The following PSMD1 variants were observed in gnomAD, a reference collection of about 807,000 sequenced individuals.
The protein encoded by PSMD1 is proteasome 26S subunit, non-ATPase 1.
A neutral mutation model predicts 119.0 loss-of-function variants in PSMD1; 18 were observed. That is an observed-to-expected ratio of 0.15 (90% CI 0.10 to 0.22). The LOEUF (loss-of-function observed/expected upper bound fraction) is 0.22. PSMD1 is among the 10% of genes least tolerant of loss of function. The pLI, the probability that PSMD1 is intolerant of heterozygous loss-of-function variation, is 1.00. For synonymous variants in PSMD1, 374 were observed against 396.6 expected (o/e 0.94, Z 0.68); for missense variants, 702 against 1,158.5 (o/e 0.61, Z 5.72).
chr2:231,105,601 G>A (rs536646242), intron 16 of PSMD1, among the ~76,000 whole-genome samples: 2 of 152,014 alleles, frequency 1.3e-5, no homozygotes, highest in Non-Finnish European at 2.9e-5. Context: ...TATGACTTAG[G>A]CTGTTATAAT....
chr2:231,111,579 CT>C (rs1695158139), intron 16 of PSMD1, among the ~76,000 whole-genome samples: 1 of 152,200 alleles, frequency 6.6e-6, no homozygotes, highest in African/African-American at 2.4e-5. Context: ...AGAGTGAGCT[CT>C]CTTCAGCATT....
At chr2:231,113,270 TC>T (rs1695219675) in intron 16 of PSMD1, among the ~76,000 whole-genome samples, 1 of 152,348 alleles carries the variant, frequency 6.6e-6, no homozygotes, top group South Asian at 2.1e-4. Flanking sequence ...GAATTTGTGT[TC>T]TTTGATACCT....
intron 16 of PSMD1, among the ~76,000 whole-genome samples, chr2:231,098,735 A>G (rs557732625): frequency 4.6e-5 from 7 of 152,310 alleles, no homozygotes; most frequent in Non-Finnish European, 8.8e-5. Flanking sequence ...CGACCCAAGT[A>G]TACAACTGAG....
chr2:231,163,964 T>A (rs932659731), intron 21 of PSMD1, among the ~76,000 whole-genome samples: 1 of 152,244 alleles, frequency 6.6e-6, no homozygotes, highest in African/African-American at 2.4e-5. Flanking sequence ...ATGTCAGTAC[T>A]TTTTATACCA....
Position 231,106,625 on chromosome 2 carries a change from G to GA in PSMD1, c.1883+19454dup, listed in dbSNP as rs112431135. Reference sequence around the variant, plus strand: ...AGAGTGAGAATCTGTCTCAAAAAAAGAAAAAAAAAATTGTAAGCAAGGAAA... The same window carrying GA: ...AGAGTGAGAATCTGTCTCAAAAAAAGAAAAAAAAAAATTGTAAGCAAGGAAA... On this transcript the variant is annotated intron_variant, in intron 16 of 24. Transcript: ENST00000308696. Among the ~76,000 whole-genome samples the GA allele has an allele frequency of 1.8e-4, 27 of 148,550 alleles. No individual in the cohort carries two copies. The East Asian group carries it at 2.5e-3, about 14-fold the overall frequency.
In PSMD1 at chr2:231,087,187, A is replaced by G. The variant is rs201299207; in HGVS notation, c.1883+6A>G. ...CTTGGGTTCATTCTATTCAGGTAAT[A>G]ACTTCAAACTTCTTATTCTATTTAT... On this transcript the variant is annotated splice_donor_region_variant and intron_variant, in intron 16 of 24. Coordinates refer to ENST00000308696, the MANE Select transcript of PSMD1 (RefSeq NM_002807.4). 15 of 1,609,276 alleles carry G rather than the reference A, an allele frequency of 9.3e-6. No homozygotes were observed. Among genetic ancestry groups the G allele is most frequent in the Non-Finnish European group, 1.3e-5 (15 of 1,176,062 alleles).
intron 8 of PSMD1, among the ~76,000 whole-genome samples, 199 bp downstream of exon 8, chr2:231,075,770 G>A: frequency 6.6e-6 from 1 of 152,092 alleles, no homozygotes; most frequent in Middle Eastern, 3.2e-3. Flanking sequence ...TTTTTGTAGA[G>A]ACAGGGTTCG....
chr2:231,108,995 G>C (rs1408937912), intron 16 of PSMD1: 19 of 1,614,084 alleles, frequency 1.2e-5, no homozygotes, highest in Non-Finnish European at 1.6e-5. Flanking sequence ...TAGGACCTTT[G>C]AGGCTCTCTG....
In PSMD1 at chr2:231,121,375, A is replaced by G. The variant is rs561496039; in HGVS notation, c.1884-17361A>G. The stretch of plus-strand genomic sequence containing the variant: ...AGACTCCATCTCTATTAAAATAAAT[A>G]AATAAAAATAAATTTAAAGTTAATA... On this transcript the variant is annotated intron_variant, in intron 16 of 24. Transcript: ENST00000308696. 3.3e-5 allele frequency among the ~76,000 whole-genome samples: 5 copies of G among 152,310 alleles called. No homozygotes were observed. The South Asian group carries it at 1.0e-3, about 32-fold the overall frequency.
intron 7 of PSMD1, among the ~76,000 whole-genome samples, chr2:231,075,240 G>C (rs184502865): frequency 2.6e-5 from 4 of 152,134 alleles, no homozygotes; most frequent in Non-Finnish European, 4.4e-5. Flanking sequence ...ACTGTGTTTT[G>C]TGAATGAAGG....
At chr2:231,115,030 T>C (rs1423135146) in intron 16 of PSMD1, among the ~76,000 whole-genome samples, 1 of 152,174 alleles carries the variant, frequency 6.6e-6, no homozygotes, top group Non-Finnish European at 1.5e-5. Context: ...CTTCTGGCTA[T>C]TGCAGGTATA....
chr2:231,062,737 T>C (rs1360987816), intron 4 of PSMD1, 62 bp downstream of exon 4: 1 of 1,299,576 alleles, frequency 7.7e-7, no homozygotes, highest in South Asian at 2.3e-5. Flanking sequence ...GTAGTGCACA[T>C]AGAAGCTTTT....
rs1057488702 is a variant in PSMD1 at position 231,057,025 on chromosome 2, C to G, written c.-1C>G. The G allele has an allele frequency of 3.3e-6, 5 of 1,536,590 alleles. No homozygotes were observed. In the African/African-American group the frequency reaches 5.7e-5, roughly 17 times the overall value. On this transcript the variant is annotated 5_prime_UTR_variant, in exon 1 of 25. Coordinates refer to ENST00000308696, the MANE Select transcript of PSMD1 (RefSeq NM_002807.4). ...CCGACGGGCGAGTGAGGGGCGCAGC[C>G]ATGATCACCTCGGCCGGTGAGTGCG...
At chr2:231,074,290 G>A (rs1694109550) in intron 7 of PSMD1, among the ~76,000 whole-genome samples, 1 of 152,030 alleles carries the variant, frequency 6.6e-6, no homozygotes. Context: ...ATTGTTAGTA[G>A]AGACGGAGTT....
intron 19 of PSMD1, among the ~76,000 whole-genome samples, chr2:231,161,085 A>T (rs1231944452): frequency 6.6e-6 from 1 of 151,974 alleles, no homozygotes; most frequent in Non-Finnish European, 1.5e-5. Flanking sequence ...GGCGGCCCGC[A>T]CATGTAGTCC....
intron 1 of PSMD1, among the ~76,000 whole-genome samples, chr2:231,059,388 T>G (rs528338759): frequency 2.0e-5 from 3 of 152,194 alleles, no homozygotes; most frequent in Non-Finnish European, 4.4e-5. Flanking sequence ...GTTTGTTCAT[T>G]CATTTATTGA....
intron 12 of PSMD1, among the ~76,000 whole-genome samples, chr2:231,081,920 C>T (rs1694318418): frequency 6.6e-6 from 1 of 152,190 alleles, no homozygotes; most frequent in African/African-American, 2.4e-5. Context: ...CTCATCTATC[C>T]TAAACAAAAT....
intron 18 of PSMD1, among the ~76,000 whole-genome samples, chr2:231,152,426 C>T (rs567260815): frequency 4.5e-4 from 69 of 152,234 alleles, no homozygotes; most frequent in African/African-American, 1.6e-3. Flanking sequence ...ATACATTACA[C>T]GACGTATATG....
chr2:231,124,722 A>G (rs1268413539), intron 16 of PSMD1, among the ~76,000 whole-genome samples: 1 of 151,890 alleles, frequency 6.6e-6, no homozygotes, highest in African/African-American at 2.4e-5. Flanking sequence ...TTTTGTTTTA[A>G]GTAGTGTTTA....
Sources: allele counts gnomAD v4.1 joint callset (sites outside exome capture counted in the v4.1 genomes callset), GRCh38; gene constraint gnomAD v4.1.1; transcripts MANE v1.5; gene names NCBI Gene and HGNC (gene_info 2026-07-23, HGNC 2026-07-21).